Variants in PTPRN2 observed in about 807,000 individuals in gnomAD.
The protein encoded by PTPRN2 is receptor-type tyrosine-protein phosphatase N2.
Under a neutral mutation model 118.8 loss-of-function variants are expected in PTPRN2, and 74 were observed. That is an observed-to-expected ratio of 0.62 (90% CI 0.52 to 0.76). The LOEUF is 0.76. Ranked by LOEUF, PTPRN2 falls within the 30% of genes least tolerant of loss-of-function variation. The pLI is 0.00. For synonymous variants in PTPRN2, 641 were observed against 608.0 expected, an observed-to-expected ratio of 1.05 and a Z score of -0.80; for missense variants, 1,481 against 1,394.4, an observed-to-expected ratio of 1.06 and a Z score of -0.99.
At chr7:158,452,411 A>G (rs1191117089) in intron 2 of PTPRN2, among the ~76,000 whole-genome samples, 1 of 152,190 alleles carries the variant, frequency 6.6e-6, no homozygotes, top group African/African-American at 2.4e-5. Flanking sequence ...GGTCCTCCCC[A>G]TCTCCCAGTG....
At chr7:158,439,719 G>T (rs1004720284) in intron 2 of PTPRN2, among the ~76,000 whole-genome samples, 5 of 152,200 alleles carry the variant, frequency 3.3e-5, no homozygotes, top group Non-Finnish European at 7.3e-5. Flanking sequence ...AGAAAGTAAA[G>T]ATATGAAAAT....
At chr7:158,062,866 C>T (rs896623856) in intron 11 of PTPRN2, among the ~76,000 whole-genome samples, 1 of 152,204 alleles carries the variant, frequency 6.6e-6, no homozygotes, top group Non-Finnish European at 1.5e-5. Context: ...TCGCCATGGG[C>T]TCCTGTGCGG....
chr7:157,684,935 G>A (rs1797101172), intron 12 of PTPRN2, among the ~76,000 whole-genome samples: 1 of 151,954 alleles, frequency 6.6e-6, no homozygotes, highest in South Asian at 2.1e-4. Context: ...TGCGAGAGGC[G>A]TGTGGGTCCA....
At chr7:157,817,629 C>T (rs1055534439) in intron 12 of PTPRN2, among the ~76,000 whole-genome samples, 7 of 152,184 alleles carry the variant, frequency 4.6e-5, no homozygotes, top group African/African-American at 1.7e-4. Flanking sequence ...GGGACACACC[C>T]GACCTGCACA....
intron 11 of PTPRN2, among the ~76,000 whole-genome samples, chr7:158,046,004 GAGTCCTGA>G (rs1389428401): frequency 4.1e-5 from 6 of 145,718 alleles, no homozygotes; most frequent in African/African-American, 1.3e-4. Context: ...TGCGATCCTG[GAGTCCTGA>G]CACTGCCTTG....
chr7:157,759,103 T>C (rs1010947006), intron 12 of PTPRN2, among the ~76,000 whole-genome samples: 2 of 152,262 alleles, frequency 1.3e-5, no homozygotes, highest in African/African-American at 4.8e-5. Context: ...AATCATGTCC[T>C]GTGAAGCCCT....
chr7:158,096,809 G>A (rs142017307), intron 10 of PTPRN2, among the ~76,000 whole-genome samples: 12 of 152,354 alleles, frequency 7.9e-5, no homozygotes, highest in Non-Finnish European at 1.5e-4. Context: ...CGTGAGGGCC[G>A]GAGTCTGCAG....
At chr7:158,205,361 G>T (rs1827051038) in intron 3 of PTPRN2, 88 bp from the exon 4 acceptor site, 1 of 929,566 alleles carries the variant, frequency 1.1e-6, no homozygotes, top group Non-Finnish European at 1.7e-6. Flanking sequence ...TTGCATTTCA[G>T]CATTAAGTTG....
chr7:157,841,019 C>T (rs1416284515), intron 12 of PTPRN2, among the ~76,000 whole-genome samples: 1 of 152,258 alleles, frequency 6.6e-6, no homozygotes, highest in East Asian at 1.9e-4. Context: ...CGGCCGCTGC[C>T]TGGCCTGGGA....
At chr7:157,572,736 C>T (rs1420665877) in intron 19 of PTPRN2, among the ~76,000 whole-genome samples, 1 of 152,228 alleles carries the variant, frequency 6.6e-6, no homozygotes, top group East Asian at 1.9e-4. Context: ...TCGGCGTGCC[C>T]ACCTGCAGAT....
intron 12 of PTPRN2, among the ~76,000 whole-genome samples, chr7:157,745,453 G>GGGGGAGAGGACAGGCTGCA (rs1800869534): frequency 2.0e-5 from 3 of 151,730 alleles, no homozygotes; most frequent in African/African-American, 7.3e-5. Context: ...GACAGGCTGT[G>GGGGGAGAGGACAGGCTGCA]GGAGGCAGGC....
chr7:157,965,681 T>C (rs1022512661), intron 11 of PTPRN2, among the ~76,000 whole-genome samples: 5 of 152,260 alleles, frequency 3.3e-5, no homozygotes, highest in South Asian at 2.1e-4. Flanking sequence ...GTTCTTTTCT[T>C]ATCATCTTCT....
intron 11 of PTPRN2, among the ~76,000 whole-genome samples, chr7:157,985,174 A>T (rs146217083): frequency 4.6e-5 from 7 of 152,350 alleles, no homozygotes; most frequent in African/African-American, 1.7e-4. Flanking sequence ...ACTTGCATTT[A>T]AGCCATCCAG....
At chr7:157,675,614 C>T (rs1056456063) in intron 13 of PTPRN2, among the ~76,000 whole-genome samples, 1 of 152,166 alleles carries the variant, frequency 6.6e-6, no homozygotes, top group East Asian at 1.9e-4. Flanking sequence ...CAGCTCATGC[C>T]GAGGAGGAAG....
chr7:158,365,269 G>A (rs1169175036), intron 2 of PTPRN2, among the ~76,000 whole-genome samples: 1 of 152,176 alleles, frequency 6.6e-6, no homozygotes, highest in East Asian at 1.9e-4. Flanking sequence ...GAATTTCTCA[G>A]GGCTCCGGAG....
rs1803793822 is a variant in PTPRN2 at position 157,986,410 on chromosome 7, G to A, written c.1724-87673C>T. ...ACACGCAGAAACTGACGCCCAGAGAGGCAGGGCACCCCGTGTGTGGTCACC... is the reference window on the plus strand; with the variant it reads ...ACACGCAGAAACTGACGCCCAGAGAAGCAGGGCACCCCGTGTGTGGTCACC... On this transcript the variant is annotated intron_variant, in intron 11 of 22. Coordinates refer to ENST00000389418, the MANE Select transcript of PTPRN2 (RefSeq NM_002847.5). The surrounding 1 kb of genome is among the most constrained non-coding windows in gnomAD (Gnocchi z 4.5). 6.6e-6 allele frequency among the ~76,000 whole-genome samples: 1 copy of A among 152,164 alleles called. No homozygotes were observed. The highest frequency in any genetic ancestry group is 2.4e-5 in the African/African-American group (1 of 41,444).
intron 2 of PTPRN2, among the ~76,000 whole-genome samples, chr7:158,461,356 C>T (rs532203932): frequency 6.6e-6 from 1 of 152,082 alleles, no homozygotes; most frequent in East Asian, 1.9e-4. Flanking sequence ...ATTAACCGGG[C>T]GTGGTGGCAG....
At chr7:157,765,710 T>C (rs1802420474) in intron 12 of PTPRN2, among the ~76,000 whole-genome samples, 1 of 139,924 alleles carries the variant, frequency 7.1e-6, no homozygotes, top group African/African-American at 2.7e-5. Flanking sequence ...CCATCCATCA[T>C]CCATTCTTCA....
intron 3 of PTPRN2, among the ~76,000 whole-genome samples, chr7:158,207,876 T>A (rs1292884418): frequency 6.6e-6 from 1 of 152,148 alleles, no homozygotes; most frequent in Non-Finnish European, 1.5e-5. Flanking sequence ...TTTAAAAAAA[T>A]TCAGTGAAAT....
Sources: allele counts gnomAD v4.1 joint callset (sites outside exome capture counted in the v4.1 genomes callset), GRCh38; gene constraint gnomAD v4.1.1; non-coding constraint Gnocchi (gnomAD v3.1); transcripts MANE v1.5; gene names NCBI Gene and HGNC (gene_info 2026-07-23, HGNC 2026-07-21).